The following NR2F1-AS1 variants were observed in gnomAD, a reference collection of about 807,000 sequenced individuals.
NR2F1-AS1 encodes NR2F1 regulatory antisense RNA 1.
intron 4 of NR2F1-AS1, among the ~76,000 whole-genome samples, chr5:93,443,097 G>T (rs1402929447): frequency 6.6e-6 from 1 of 152,210 alleles, no homozygotes; most frequent in African/African-American, 2.4e-5. Context: ...GGAGAAACCA[G>T]AGCAGAAAAG....
At chr5:93,491,360 G>A (rs1038252104) in intron 4 of NR2F1-AS1, among the ~76,000 whole-genome samples, 7 of 151,520 alleles carry the variant, frequency 4.6e-5, no homozygotes, top group Admixed American at 3.9e-4. Context: ...TGGTGGTAGT[G>A]GTGATGGTGG....
chr5:93,437,234 T>C (rs927510738), intron 4 of NR2F1-AS1, among the ~76,000 whole-genome samples: 1 of 152,114 alleles, frequency 6.6e-6, no homozygotes. Context: ...ACTTGCAATG[T>C]GTCAAGTCCA....
intron 4 of NR2F1-AS1, chr5:93,543,712 T>C (rs1172769462): frequency 1.3e-5 from 2 of 152,180 alleles, no homozygotes; most frequent in Admixed American, 1.3e-4. Flanking sequence ...ATCTCTGAAA[T>C]CAAGACACAT....
chr5:93,575,006 G>A (rs539875523), intron 1 of NR2F1-AS1, among the ~76,000 whole-genome samples: 167 of 152,366 alleles, frequency 1.1e-3, no homozygotes, highest in Non-Finnish European at 1.9e-3. Context: ...AACTGCAATC[G>A]CCTGCAGCCT....
intron 4 of NR2F1-AS1, among the ~76,000 whole-genome samples, chr5:93,483,989 A>G (rs1189323518): frequency 6.6e-6 from 1 of 152,216 alleles, no homozygotes; most frequent in Non-Finnish European, 1.5e-5. Flanking sequence ...TGTACCTGCA[A>G]GTGATGAGGA....
At chr5:93,436,983 TC>T (rs954095529) in intron 4 of NR2F1-AS1, among the ~76,000 whole-genome samples, 10 of 146,420 alleles carry the variant, frequency 6.8e-5, no homozygotes, top group Non-Finnish European at 1.4e-4. Flanking sequence ...ACTCATTATC[TC>T]CAAAAAAAAA....
At chr5:93,411,400 G>C (rs567129113) in intron 4 of NR2F1-AS1, 1 of 152,328 alleles carries the variant, frequency 6.6e-6, no homozygotes, top group African/African-American at 2.4e-5. Flanking sequence ...CATTTCTGCT[G>C]AAGGTAACGA....
chr5:93,486,495 A>C (rs539512150), intron 4 of NR2F1-AS1, among the ~76,000 whole-genome samples: 1 of 152,308 alleles, frequency 6.6e-6, no homozygotes, highest in Non-Finnish European at 1.5e-5. Flanking sequence ...AAAATCTAGA[A>C]GAAATGGATA....
chr5:93,495,324 A>G (rs928279483), intron 4 of NR2F1-AS1, among the ~76,000 whole-genome samples: 1 of 151,898 alleles, frequency 6.6e-6, no homozygotes, highest in African/African-American at 2.4e-5. Flanking sequence ...CTCTTGTCTG[A>G]TGCTTGATTT....
intron 4 of NR2F1-AS1, among the ~76,000 whole-genome samples, chr5:93,550,966 T>G (rs1040793987): frequency 3.5e-5 from 5 of 142,722 alleles, no homozygotes; most frequent in Admixed American, 2.8e-4. Flanking sequence ...AATTCTTAGG[T>G]TTTTTTTTTT....
chr5:93,562,694 C>G (rs1488408856), intron 2 of NR2F1-AS1, among the ~76,000 whole-genome samples: 3 of 152,108 alleles, frequency 2.0e-5, no homozygotes, highest in African/African-American at 7.2e-5. Flanking sequence ...ATAAAAATCA[C>G]ATGAATACAT....
intron 4 of NR2F1-AS1, among the ~76,000 whole-genome samples, chr5:93,539,398 T>C (rs1271323684): frequency 6.6e-6 from 1 of 152,144 alleles, no homozygotes; most frequent in Non-Finnish European, 1.5e-5. Flanking sequence ...ATGTGGTATA[T>C]ATACATAATG....
intron 4 of NR2F1-AS1, among the ~76,000 whole-genome samples, chr5:93,478,692 G>A (rs185502440): frequency 9.5e-4 from 145 of 152,296 alleles, no homozygotes; most frequent in African/African-American, 3.3e-3. Flanking sequence ...GTGAGCCACC[G>A]CGCCCAGCCA....
intron 4 of NR2F1-AS1, among the ~76,000 whole-genome samples, chr5:93,539,253 G>A (rs1751900552): frequency 6.6e-6 from 1 of 152,122 alleles, no homozygotes; most frequent in East Asian, 1.9e-4. Context: ...ACTCCAGCCT[G>A]GGTGAAAGAG....
At chr5:93,578,007 T>G (rs1318340088) in intron 1 of NR2F1-AS1, among the ~76,000 whole-genome samples, 4 of 152,214 alleles carry the variant, frequency 2.6e-5, no homozygotes, top group Non-Finnish European at 5.9e-5. Context: ...TCAGTGTGAC[T>G]TACCAAAAAG....
rs1752977708 is a variant in NR2F1-AS1, at chr5:93,579,785, A to C, written n.313+682T>G. 6.6e-6 allele frequency among the ~76,000 whole-genome samples: 1 copy of C among 152,084 alleles called. No homozygotes were observed. Among genetic ancestry groups the C allele is most frequent in the Non-Finnish European group, 1.5e-5 (1 of 68,008 alleles). ...CCCTCCCCGCCCCCAGCCGGCTGGC[A>C]GCGGCGCAGGGAGTCTGGCTCGGCT... is the stretch of plus-strand genomic sequence containing the variant. On this transcript the variant is annotated intron_variant and non_coding_transcript_variant, in intron 1 of 5. Transcript: ENST00000660523. This position sits in a 1 kb window ranked among gnomAD's most constrained non-coding sequence, Gnocchi z 5.1.
chr5:93,439,893 A>G (rs1297515880), intron 4 of NR2F1-AS1, among the ~76,000 whole-genome samples: 4 of 152,196 alleles, frequency 2.6e-5, no homozygotes, highest in African/African-American at 9.7e-5. Context: ...AGTACACAGT[A>G]TTTAAATGAT....
At chr5:93,560,036 A>G (rs1334615030) in intron 2 of NR2F1-AS1, among the ~76,000 whole-genome samples, 1 of 152,234 alleles carries the variant, frequency 6.6e-6, no homozygotes, top group African/African-American at 2.4e-5. Flanking sequence ...ATGAACCACA[A>G]TAAAACAAAA....
chr5:93,507,795 G>C (rs1236002868), intron 4 of NR2F1-AS1, among the ~76,000 whole-genome samples: 1 of 152,110 alleles, frequency 6.6e-6, no homozygotes, highest in African/African-American at 2.4e-5. Flanking sequence ...CTGGGAATAA[G>C]ATCAATATAC....
Sources: gnomAD v4.1 joint callset for allele counts (sites outside exome capture counted in the v4.1 genomes callset) on GRCh38, gnomAD v4.1.1 for gene constraint, Gnocchi (gnomAD v3.1) non-coding constraint, MANE v1.5 for transcripts, NCBI Gene and HGNC (gene_info 2026-07-23, HGNC 2026-07-21) for gene names.